Variants in TMEM132B observed in about 807,000 individuals in gnomAD.
TMEM132B encodes transmembrane protein 132B.
In TMEM132B, 18 loss-of-function variants were observed where a neutral mutation model predicts 90.8. The observed-to-expected ratio is 0.20, with a 90% confidence interval of 0.14 to 0.29. The LOEUF (loss-of-function observed/expected upper bound fraction) is 0.29, where lower values mean the gene tolerates loss of function less well. Ranked by LOEUF, TMEM132B falls within the 10% of genes least tolerant of loss-of-function variation. The probability of loss-of-function intolerance (pLI) is 1.00; values close to 1 mark genes in which losing one functional copy is unlikely to be tolerated. For missense variants in TMEM132B, 1,096 were observed against 1,326.8 expected, an observed-to-expected ratio of 0.83 and a Z score of 2.70; for synonymous variants, 504 against 523.3, an observed-to-expected ratio of 0.96 and a Z score of 0.50.
intron 3 of TMEM132B, among the ~76,000 whole-genome samples, chr12:125,513,151 G>A (rs759512553): frequency 1.3e-5 from 2 of 152,202 alleles, no homozygotes; most frequent in Non-Finnish European, 2.9e-5. Flanking sequence ...TGCAGCTCAG[G>A]GGCTCTGCTG....
intron 4 of TMEM132B, among the ~76,000 whole-genome samples, chr12:125,576,991 A>C (rs75909022): frequency 0.019 from 2,877 of 150,548 alleles, 34 homozygotes; most frequent in Non-Finnish European, 0.03. Context: ...AATTAGGGTA[A>C]TACTGGCCTC....
At chr12:125,239,606 T>C (rs932337339) in intron 1 of TMEM132B, among the ~76,000 whole-genome samples, 7 of 152,214 alleles carry the variant, frequency 4.6e-5, no homozygotes, top group African/African-American at 1.4e-4. Context: ...TGCCTTTCCA[T>C]AGGACCAACA....
intron 1 of TMEM132B, among the ~76,000 whole-genome samples, chr12:125,289,101 C>G (rs1315447750): frequency 1.3e-5 from 2 of 152,166 alleles, no homozygotes; most frequent in Non-Finnish European, 2.9e-5. Context: ...TGGGCTTGAC[C>G]TGGAGTGTTC....
At position 125,434,915 on chromosome 12, in the gene TMEM132B, G is replaced by T. The variant is rs75055993; in HGVS notation, c.1106+19238G>T. Among the ~76,000 whole-genome samples, 722 of 152,292 alleles carry T rather than the reference G, an allele frequency of 4.7e-3. 7 individuals carry two copies. Among genetic ancestry groups the T allele is most frequent in the African/African-American group, 0.016 (672 of 41,556 alleles). On this transcript the variant is annotated intron_variant, in intron 3 of 8. Transcript: ENST00000682704. ...CCTCATGCTGAAACTTCTTTTCCGT[G>T]TAAAACTCAGAGTGCATGAGGAGAG...
At chr12:125,355,854 A>G (rs769665662) in intron 2 of TMEM132B, among the ~76,000 whole-genome samples, 8 of 152,196 alleles carry the variant, frequency 5.3e-5, no homozygotes, top group Non-Finnish European at 1.2e-4. Context: ...TTCAGACTGC[A>G]CATTGTAGAG....
chr12:125,606,169 A>G (rs977736073), intron 5 of TMEM132B, among the ~76,000 whole-genome samples: 1 of 152,172 alleles, frequency 6.6e-6, no homozygotes, highest in Non-Finnish European at 1.5e-5. Context: ...AATCTAACAT[A>G]GGGAAAATAT....
chr12:125,631,595 G>A (rs1483652673), intron 5 of TMEM132B, among the ~76,000 whole-genome samples: 1 of 152,062 alleles, frequency 6.6e-6, no homozygotes, highest in Middle Eastern at 3.2e-3. Context: ...ATGTTGAAGT[G>A]TCCAGCTATT....
At chr12:125,649,152 T>G (rs1280288770) in intron 6 of TMEM132B, among the ~76,000 whole-genome samples, 1 of 152,220 alleles carries the variant, frequency 6.6e-6, no homozygotes, top group Non-Finnish European at 1.5e-5. Flanking sequence ...TGTTATGCTA[T>G]TGTGCTGGTG....
chr12:125,344,600 C>T (rs1593095698), intron 1 of TMEM132B, among the ~76,000 whole-genome samples: 1 of 152,152 alleles, frequency 6.6e-6, no homozygotes, highest in African/African-American at 2.4e-5. Flanking sequence ...ACCCTGGGTT[C>T]TCCCCTCTTC....
intron 1 of TMEM132B, among the ~76,000 whole-genome samples, chr12:125,244,253 T>C (rs1874156876): frequency 6.6e-6 from 1 of 152,190 alleles, no homozygotes; most frequent in South Asian, 2.1e-4. Flanking sequence ...CCATTTTCAG[T>C]TCCCTTGGGT....
At chr12:125,618,051 C>T (rs755312420) in intron 5 of TMEM132B, among the ~76,000 whole-genome samples, 82 of 151,978 alleles carry the variant, frequency 5.4e-4, no homozygotes, top group Non-Finnish European at 1.1e-3. Context: ...TTAGGGAGAG[C>T]TTGGGAGCTC....
chr12:125,551,506 A>G lies in TMEM132B; in HGVS notation c.1293+31881A>G, dbSNP rs533766323. On this transcript the variant is annotated intron_variant, in intron 4 of 8. Transcript: ENST00000682704. ...AAATCTGTGAAACATAGACAGTCAT[A>G]AAGAAGAATGAAATAAAAATAATCT... Among the ~76,000 whole-genome samples the G allele has an allele frequency of 8.5e-5, 13 of 152,302 alleles. No individual in the cohort carries two copies. In the East Asian group the frequency reaches 1.7e-3, roughly 20 times the overall value.
At chr12:125,371,300 A>G (rs1044720500) in intron 2 of TMEM132B, among the ~76,000 whole-genome samples, 2 of 152,212 alleles carry the variant, frequency 1.3e-5, no homozygotes, top group African/African-American at 2.4e-5. Flanking sequence ...AGCAACACCC[A>G]GAAACACCCA....
intron 1 of TMEM132B, among the ~76,000 whole-genome samples, chr12:125,207,011 G>A (rs1406319187): frequency 1.3e-5 from 2 of 152,180 alleles, no homozygotes; most frequent in African/African-American, 4.8e-5. Flanking sequence ...GTGAGCCCTG[G>A]CTCCTGATGC....
Position 125,350,314 on chromosome 12 carries a change from T to C in TMEM132B, c.930T>C (p.Ser310=). ...DTATFLVSLT[S]SSVADQFTLR... is the part of the protein sequence containing the mutation. ...CCACCTTTTTGGTCTCTCTGACCAG[T>C]AGCTCTGTGGCAGACCAGTTCACTC... Residue 310 remains serine, a synonymous_variant, in exon 2 of 9, where the codon AGT becomes AGC. Coordinates refer to ENST00000682704, the MANE Select transcript of TMEM132B (RefSeq NM_001366854.1). 1 of 1,613,418 alleles carries C rather than the reference T, an allele frequency of 6.2e-7. No individual in the cohort carries two copies. Among genetic ancestry groups the C allele is most frequent in the Non-Finnish European group, 8.5e-7 (1 of 1,179,926 alleles).
intron 5 of TMEM132B, among the ~76,000 whole-genome samples, chr12:125,607,920 G>A (rs534599897): frequency 1.1e-3 from 169 of 152,160 alleles, no homozygotes; most frequent in Middle Eastern, 3.2e-3. Context: ...CATTTACACA[G>A]TAGCAAGTAT....
intron 2 of TMEM132B, among the ~76,000 whole-genome samples, chr12:125,409,575 T>TGGA (rs1566026031): frequency 1.7e-5 from 2 of 119,452 alleles, no homozygotes; most frequent in African/African-American, 7.2e-5. Flanking sequence ...GTGGAGTGAG[T>TGGA]GGAGTGGAGT....
At chr12:125,567,352 T>G (rs909036538) in intron 4 of TMEM132B, among the ~76,000 whole-genome samples, 8 of 152,164 alleles carry the variant, frequency 5.3e-5, no homozygotes, top group Admixed American at 3.3e-4. Flanking sequence ...TCTTTCTCTC[T>G]CTTTAGGACC....
chr12:125,338,456 A>G (rs1877050492), intron 1 of TMEM132B, among the ~76,000 whole-genome samples: 1 of 152,198 alleles, frequency 6.6e-6, no homozygotes. Flanking sequence ...TGCCTTTTGA[A>G]GAGCTACTGG....
Sources: gnomAD v4.1 joint callset for allele counts (sites outside exome capture counted in the v4.1 genomes callset) on GRCh38, gnomAD v4.1.1 for gene constraint, MANE v1.5 for transcripts, NCBI Gene and HGNC (gene_info 2026-07-23, HGNC 2026-07-21) for gene names.